MYLK4: variants seen among roughly 807,000 people sequenced by gnomAD.
MYLK4 encodes the protein myosin light chain kinase family member 4, also known as caMLCK like.
In MYLK4, 46 loss-of-function variants were observed where a neutral mutation model predicts 48.1. The observed-to-expected ratio is 0.96, with a 90% CI of 0.75 to 1.22. The LOEUF is 1.22. MYLK4 is among the 50% of genes most tolerant of loss of function. MYLK4 has a pLI of 0.00. For missense variants in MYLK4, 451 were observed against 486.1 expected, an observed-to-expected ratio of 0.93 and a Z score of 0.68; for synonymous variants, 170 against 180.8, an observed-to-expected ratio of 0.94 and a Z score of 0.48.
chr6:2,692,637 AAAAAAG>A, intron 3 of MYLK4, 141 bp downstream of exon 3: 1 of 564,856 alleles, frequency 1.8e-6, no homozygotes, highest in Non-Finnish European at 2.8e-6. Context: ...AGCAAAAAAA[AAAAAAG>A]GGGGGGGGGG....
In MYLK4 at chr6:2,666,150, C is replaced by T. The variant is rs1561822041; in HGVS notation, c.*1775G>A. 1 of 152,212 alleles carries T rather than the reference C, an allele frequency of 6.6e-6. No homozygotes were observed. The highest frequency in any genetic ancestry group is 1.5e-5 in the Non-Finnish European group (1 of 68,048). The allele number at this position is 152,212 out of a possible 1,614,324, so 9.4% of individuals were successfully genotyped here. A position where few individuals can be genotyped will look rare whatever the true frequency, so the allele number is the denominator to read the frequency against. ...CACGTATTTCCTTCTATCTCTACTT[C>T]CTCCTTACCTTAAAGATGAGAATAA... On this transcript the variant is annotated 3_prime_UTR_variant, in exon 13 of 13. Coordinates refer to ENST00000274643, the MANE Select transcript of MYLK4 (RefSeq NM_001012418.5).
chr6:2,757,344 AG>A, the MYLK4 span, among the ~76,000 whole-genome samples: 1 of 152,210 alleles, frequency 6.6e-6, no homozygotes, highest in African/African-American at 2.4e-5. Context: ...AAACATCTTC[AG>A]TGTGAATGAA....
chr6:2,768,628 A>G, the MYLK4 span: 8 of 1,413,764 alleles, frequency 5.7e-6, no homozygotes, highest in Non-Finnish European at 7.6e-6. Context: ...GGTGGTTCCC[A>G]TGGGTGCTGG....
At chr6:2,716,945 A>C (rs1762885958) in intron 2 of MYLK4, among the ~76,000 whole-genome samples, 1 of 152,188 alleles carries the variant, frequency 6.6e-6, no homozygotes, top group Non-Finnish European at 1.5e-5. Context: ...TAGAAGAAGG[A>C]TTTCTTCAGT....
At chr6:2,761,685 G>A in the MYLK4 span, among the ~76,000 whole-genome samples, 4 of 152,110 alleles carry the variant, frequency 2.6e-5, no homozygotes, top group African/African-American at 4.8e-5. Context: ...CTTGCCCAAG[G>A]TCACACTATG....
At chr6:2,742,652 G>T (rs1284848043) in intron 2 of MYLK4, among the ~76,000 whole-genome samples, 1 of 147,394 alleles carries the variant, frequency 6.8e-6, no homozygotes, top group Non-Finnish European at 1.5e-5. Context: ...CTCACTCATA[G>T]ATGGGAATTG....
chr6:2,700,766 G>A (rs1483544913), intron 2 of MYLK4, among the ~76,000 whole-genome samples: 1 of 152,144 alleles, frequency 6.6e-6, no homozygotes, highest in Non-Finnish European at 1.5e-5. Flanking sequence ...TTTCTGCCTT[G>A]CTTCTTGGCC....
At chr6:2,709,665 A>G (rs1762604646) in intron 2 of MYLK4, among the ~76,000 whole-genome samples, 1 of 152,252 alleles carries the variant, frequency 6.6e-6, no homozygotes, top group East Asian at 1.9e-4. Context: ...TCCAACATTC[A>G]GTCACAGATT....
chr6:2,683,200 T>A (rs751303643), intron 6 of MYLK4, 38 bp from the exon 7 acceptor site: 3 of 1,612,550 alleles, frequency 1.9e-6, no homozygotes, highest in Non-Finnish European at 1.7e-6. Flanking sequence ...CAGTCCCGAT[T>A]TCCTTACCAC....
At chr6:2,679,189 A>G (rs1761200854) in intron 9 of MYLK4, 91 bp downstream of exon 9, 2 of 1,446,110 alleles carry the variant, frequency 1.4e-6, no homozygotes, top group Non-Finnish European at 1.9e-6. Flanking sequence ...TTTTTTAAAT[A>G]CCCCAATTGG....
At chr6:2,746,904 C>T (rs1764112700) in intron 2 of MYLK4, among the ~76,000 whole-genome samples, 1 of 152,242 alleles carries the variant, frequency 6.6e-6, no homozygotes, top group African/African-American at 2.4e-5. Context: ...AGCCTGCTGG[C>T]TGCCCTGGCA....
At chr6:2,715,356 T>C (rs941716200) in intron 2 of MYLK4, among the ~76,000 whole-genome samples, 2 of 152,178 alleles carry the variant, frequency 1.3e-5, no homozygotes, top group Non-Finnish European at 2.9e-5. Flanking sequence ...AATGTGAATG[T>C]ACTTAGCATC....
At position 2,678,480 on chromosome 6, in the gene MYLK4, C is replaced by A. The variant is rs1022835408; in HGVS notation, c.888-108G>T. On this transcript the variant is annotated intron_variant, in intron 9 of 12. Coordinates refer to ENST00000274643, the MANE Select transcript of MYLK4 (RefSeq NM_001012418.5). Reference sequence around the variant, plus strand: ...TTTAAAGGTGAGAGAAGGAAAATAACCTAATCCTGAAGCATAATTTTATAA... The same window carrying A: ...TTTAAAGGTGAGAGAAGGAAAATAAACTAATCCTGAAGCATAATTTTATAA... 1.2e-5 allele frequency: 15 copies of A among 1,222,842 alleles called. No homozygotes were observed. The Admixed American group carries it at 4.0e-4, about 32-fold the overall frequency. 75.7% of individuals were successfully genotyped at this position (1,222,842 alleles called of 1,614,324 possible).
intron 2 of MYLK4, among the ~76,000 whole-genome samples, chr6:2,744,449 G>A (rs911237706): frequency 2.6e-5 from 4 of 152,196 alleles, no homozygotes; most frequent in African/African-American, 9.7e-5. Context: ...GGATGGAGGT[G>A]GCGAAATGCA....
intron 2 of MYLK4, among the ~76,000 whole-genome samples, chr6:2,701,524 AAC>A (rs1234183843): frequency 1.3e-5 from 2 of 152,226 alleles, no homozygotes; most frequent in African/African-American, 2.4e-5. Flanking sequence ...CTACACAGGA[AAC>A]ACACACTGCA....
At chr6:2,707,125 T>A (rs1336330249) in intron 2 of MYLK4, among the ~76,000 whole-genome samples, 2 of 152,216 alleles carry the variant, frequency 1.3e-5, no homozygotes, top group Non-Finnish European at 2.9e-5. Flanking sequence ...CTCTGTTAAC[T>A]GAGAGACATT....
chr6:2,674,596 G>A (rs12528416), intron 11 of MYLK4, among the ~76,000 whole-genome samples: 23,939 of 152,138 alleles, frequency 0.16, 2,385 homozygotes, highest in East Asian at 0.44. Context: ...TTTTAAGGCC[G>A]GGTGCAGTGG....
intron 2 of MYLK4, among the ~76,000 whole-genome samples, chr6:2,714,219 C>T (rs535574208): frequency 1.3e-5 from 2 of 152,310 alleles, no homozygotes; most frequent in Non-Finnish European, 2.9e-5. Context: ...CCAGCTGGCC[C>T]CATTGCTCAT....
intron 2 of MYLK4, among the ~76,000 whole-genome samples, chr6:2,695,467 C>A (rs1200969263): frequency 6.6e-6 from 1 of 152,172 alleles, no homozygotes; most frequent in Non-Finnish European, 1.5e-5. Flanking sequence ...TCTTTGGGTT[C>A]GGAGTTGGAC....
Sources: gnomAD v4.1 joint callset for allele counts (sites outside exome capture counted in the v4.1 genomes callset) on GRCh38, gnomAD v4.1.1 for gene constraint, MANE v1.5 for transcripts, NCBI Gene and HGNC (gene_info 2026-07-23, HGNC 2026-07-21) for gene names.